The following ERC1 variants were observed in gnomAD, a reference collection of about 807,000 sequenced individuals.
The protein encoded by ERC1 is RAB6 interacting protein 2.
Under a neutral mutation model 132.0 loss-of-function variants are expected in ERC1, and 56 were observed. That is an observed-to-expected ratio of 0.42 (90% CI 0.34 to 0.53). The LOEUF is 0.53. Ranked by LOEUF, ERC1 falls within the 20% of genes least tolerant of loss-of-function variation. ERC1 has a pLI of 0.03. For missense variants in ERC1, 1,202 were observed against 1,349.9 expected (o/e 0.89, Z 1.72); for synonymous variants, 478 against 476.1 (o/e 1.00, Z -0.05).
At chr12:1,278,262 G>A (rs1368555006) in intron 14 of ERC1, among the ~76,000 whole-genome samples, 1 of 152,190 alleles carries the variant, frequency 6.6e-6, no homozygotes, top group Non-Finnish European at 1.5e-5. Flanking sequence ...TCCATGTTTA[G>A]ACTTCTCCTT....
chr12:1,380,617 A>C (rs11061735), intron 16 of ERC1: 64,959 of 151,936 alleles, frequency 0.43, 15,764 homozygotes, highest in African/African-American at 0.66. Flanking sequence ...TACGCTCACA[A>C]CAGTCTTAGA....
intron 15 of ERC1, among the ~76,000 whole-genome samples, chr12:1,328,116 G>T (rs988118073): frequency 6.6e-6 from 1 of 151,948 alleles, no homozygotes; most frequent in Non-Finnish European, 1.5e-5. Context: ...GCTTCTTCCA[G>T]GTTAATACTT....
At chr12:1,475,804 C>G (rs987611475) in intron 18 of ERC1, among the ~76,000 whole-genome samples, 1 of 152,064 alleles carries the variant, frequency 6.6e-6, no homozygotes, top group Admixed American at 6.6e-5. Flanking sequence ...AACATGAGAG[C>G]TTGAATTAGG....
intron 14 of ERC1, 85 bp from the exon 15 acceptor site, chr12:1,289,766 TG>T: frequency 2.9e-6 from 3 of 1,030,724 alleles, no homozygotes; most frequent in Non-Finnish European, 4.4e-6. Flanking sequence ...TTCAATTTTC[TG>T]GACCCAGGAG....
chr12:1,476,509 C>G (rs2093978125), intron 18 of ERC1, among the ~76,000 whole-genome samples: 4 of 152,072 alleles, frequency 2.6e-5, no homozygotes, highest in Admixed American at 2.6e-4. Context: ...AAGAAGTGGC[C>G]AATAAATATA....
At chr12:1,477,223 C>T (rs1237609706) in intron 18 of ERC1, among the ~76,000 whole-genome samples, 3 of 151,954 alleles carry the variant, frequency 2.0e-5, no homozygotes, top group Non-Finnish European at 2.9e-5. Flanking sequence ...TAAAGAACAC[C>T]TACCTCAAAA....
intron 2 of ERC1, among the ~76,000 whole-genome samples, chr12:1,078,820 A>T (rs1372101437): frequency 1.3e-5 from 2 of 152,116 alleles, no homozygotes; most frequent in Non-Finnish European, 2.9e-5. Flanking sequence ...TAATATGACA[A>T]AAGTCGATAT....
At chr12:1,457,408 A>G (rs1393135870) in intron 18 of ERC1, among the ~76,000 whole-genome samples, 1 of 152,172 alleles carries the variant, frequency 6.6e-6, no homozygotes, top group East Asian at 1.9e-4. Context: ...ATCCTTCCAT[A>G]TGTACAGCCG....
intron 16 of ERC1, among the ~76,000 whole-genome samples, chr12:1,405,838 G>T (rs1050645220): frequency 5.9e-5 from 9 of 152,204 alleles, no homozygotes; most frequent in African/African-American, 2.2e-4. Flanking sequence ...ATCACTTAAG[G>T]CCAGGAGTTT....
At chr12:1,387,098 G>A (rs2089459814) in intron 16 of ERC1, 1 of 105,782 alleles carries the variant, frequency 9.5e-6, no homozygotes, top group East Asian at 2.1e-4. Flanking sequence ...TCATATACTG[G>A]TCCCACCGTT....
chr12:1,214,137 A>T (rs1249353465), intron 12 of ERC1, among the ~76,000 whole-genome samples: 1 of 152,134 alleles, frequency 6.6e-6, no homozygotes, highest in Non-Finnish European at 1.5e-5. Context: ...TGATTTATGT[A>T]CTATGTACAC....
rs535707089 is a variant in ERC1, at chr12:1,112,279, C to T, written c.1382C>T (p.Ala461Val). ...EAQWEELKKKAAGLQAEIGQV... is the reference protein window; with the variant it reads ...EAQWEELKKKVAGLQAEIGQV... ...CAATGGGAGGAGCTGAAAAAGAAAGCGGCTGGTCTTCAGGCTGAGGTCTTT... is the reference window on the plus strand; with the variant it reads ...CAATGGGAGGAGCTGAAAAAGAAAGTGGCTGGTCTTCAGGCTGAGGTCTTT... Residue 461 changes from alanine to valine, a missense_variant, in exon 6 of 19, where the codon GCG (alanine) becomes GTG (valine). Ala to Val is a moderately conservative substitution (Grantham distance 64). Coordinates refer to ENST00000360905, the MANE Select transcript of ERC1 (RefSeq NM_178040.4). The T allele has an allele frequency of 6.9e-5, 111 of 1,612,804 alleles. No homozygotes were observed. The East Asian group carries it at 9.1e-4, about 13-fold the overall frequency.
At chr12:996,826 A>T (rs1362873681) in intron 1 of ERC1, among the ~76,000 whole-genome samples, 1 of 152,140 alleles carries the variant, frequency 6.6e-6, no homozygotes, top group African/African-American at 2.4e-5. Context: ...TTTTCTTTTT[A>T]GCCAGTGAAA....
intron 1 of ERC1, among the ~76,000 whole-genome samples, chr12:1,017,778 C>G (rs1346484654): frequency 6.6e-6 from 1 of 152,244 alleles, no homozygotes; most frequent in Non-Finnish European, 1.5e-5. Flanking sequence ...GGATTACAGG[C>G]GTGAGCCACC....
chr12:1,308,771 T>TTC (rs1449223338), intron 15 of ERC1, among the ~76,000 whole-genome samples: 2 of 152,252 alleles, frequency 1.3e-5, no homozygotes, highest in African/African-American at 4.8e-5. Context: ...TCATTTCTTG[T>TTC]TCCACGCTAA....
At chr12:1,044,723 C>T (rs1970808575) in intron 2 of ERC1, among the ~76,000 whole-genome samples, 1 of 151,978 alleles carries the variant, frequency 6.6e-6, no homozygotes, top group Non-Finnish European at 1.5e-5. Context: ...TAGCATGGGA[C>T]CTATAAAATT....
At chr12:1,134,734 T>TC (rs2154243160) in intron 7 of ERC1, among the ~76,000 whole-genome samples, 1 of 151,396 alleles carries the variant, frequency 6.6e-6, no homozygotes, top group East Asian at 1.9e-4. Context: ...GTAACTTTTT[T>TC]TTTTTTTTTT....
chr12:1,355,722 C>T (rs146494752), intron 15 of ERC1, among the ~76,000 whole-genome samples: 13 of 152,276 alleles, frequency 8.5e-5, no homozygotes, highest in Non-Finnish European at 1.9e-4. Context: ...TCCAACTGGT[C>T]ACAGACAGAA....
chr12:1,038,978 C>T (rs1357293081), intron 2 of ERC1, among the ~76,000 whole-genome samples: 1 of 151,644 alleles, frequency 6.6e-6, no homozygotes, highest in Non-Finnish European at 1.5e-5. Flanking sequence ...CCAAGGTGGG[C>T]AGGTTACTTG....
Sources: allele counts gnomAD v4.1 joint callset (sites outside exome capture counted in the v4.1 genomes callset), GRCh38; gene constraint gnomAD v4.1.1; transcripts MANE v1.5; gene names NCBI Gene and HGNC (gene_info 2026-07-23, HGNC 2026-07-21).